DMC1: variants seen among roughly 807,000 people sequenced by gnomAD.
DMC1 encodes the protein meiotic recombination protein DMC1 homolog.
A neutral mutation model predicts 50.1 loss-of-function variants in DMC1; 27 were observed. That is an observed-to-expected ratio of 0.54 (90% CI 0.40 to 0.74). The LOEUF (loss-of-function observed/expected upper bound fraction) is 0.74. DMC1 is among the 30% of genes least tolerant of loss of function. The pLI is 0.00. For missense variants in DMC1, 295 were observed against 420.2 expected (o/e 0.70, Z 2.60); for synonymous variants, 148 against 136.1 (o/e 1.09, Z -0.61).
At chr22:38,567,787 G>C (rs1199178526) in intron 2 of DMC1, among the ~76,000 whole-genome samples, 160 bp from the exon 3 acceptor site, 1 of 152,204 alleles carries the variant, frequency 6.6e-6, no homozygotes, top group East Asian at 1.9e-4. Flanking sequence ...TTCAAACACA[G>C]AAGAAGCACC....
intron 12 of DMC1, among the ~76,000 whole-genome samples, chr22:38,526,072 G>A (rs1655514949): frequency 6.6e-6 from 1 of 152,116 alleles, no homozygotes; most frequent in South Asian, 2.1e-4. Flanking sequence ...CTGTGACATA[G>A]CAGCCTTAAC....
At position 38,545,699 on chromosome 22, in the gene DMC1, G is replaced by A. The variant is rs921513148; in HGVS notation, c.494+4226C>T. ...GCCTCCCAAAGTGCTAGGATTACAG[G>A]TGTGAGCCACAGCGGCCAGCCAAAA... On this transcript the variant is annotated intron_variant, in intron 8 of 13. Coordinates refer to ENST00000216024, the MANE Select transcript of DMC1 (RefSeq NM_007068.4). 13 of 152,176 alleles carry A rather than the reference G, an allele frequency of 8.5e-5. 1 individual carries two copies. The highest frequency in any genetic ancestry group is 3.1e-4 in the African/African-American group (13 of 41,458). The allele number at this position is 152,176 out of a possible 1,614,324, so 9.4% of individuals were successfully genotyped here. A position where few individuals can be genotyped will look rare whatever the true frequency, so the allele number is the denominator to read the frequency against.
intron 12 of DMC1, among the ~76,000 whole-genome samples, chr22:38,523,751 G>A (rs1188234057): frequency 6.6e-6 from 1 of 151,550 alleles, no homozygotes; most frequent in African/African-American, 2.4e-5. Context: ...CTGGGTGACA[G>A]AGTGGGACTC....
At chr22:38,533,778 T>C (rs997074847) in intron 12 of DMC1, among the ~76,000 whole-genome samples, 5 of 152,178 alleles carry the variant, frequency 3.3e-5, no homozygotes. Flanking sequence ...AAATTACTAA[T>C]TAAATATAAA....
At chr22:38,559,842 A>T (rs2090507334) in intron 5 of DMC1, among the ~76,000 whole-genome samples, 1 of 151,822 alleles carries the variant, frequency 6.6e-6, no homozygotes, top group Admixed American at 6.6e-5. Context: ...AGATGCTGAA[A>T]CCCTGTCTCT....
In DMC1 at chr22:38,562,654, A is replaced by G. The variant is rs11570390; in HGVS notation, c.244-285T>C. On this transcript the variant is annotated intron_variant, in intron 4 of 13. Coordinates refer to ENST00000216024, the MANE Select transcript of DMC1 (RefSeq NM_007068.4). ...TCCTCTTTTGGGTCAAACATGCAACAGTGTTTCTTCAAGGAGTAGCTGTGA... is the reference window on the plus strand; with the variant it reads ...TCCTCTTTTGGGTCAAACATGCAACGGTGTTTCTTCAAGGAGTAGCTGTGA... Among the ~76,000 whole-genome samples the G allele has an allele frequency of 5.4e-3, 819 of 152,236 alleles. 6 individuals carry two copies. The highest frequency in any genetic ancestry group is 9.4e-3 in the Non-Finnish European group (639 of 68,010).
At chr22:38,568,404 G>A (rs2047603386) in intron 1 of DMC1, 115 bp from the exon 2 acceptor site, 1 of 750,066 alleles carries the variant, frequency 1.3e-6, no homozygotes, top group Non-Finnish European at 2.3e-6. Context: ...AGCTTGGAAA[G>A]ATGAGGCCAG....
downstream of DMC1, among the ~76,000 whole-genome samples, chr22:38,517,318 T>G (rs2089982731): frequency 6.6e-6 from 1 of 152,062 alleles, no homozygotes; most frequent in African/African-American, 2.4e-5. Flanking sequence ...CCTGTAATCC[T>G]AGCATTTTGG....
intron 1 of DMC1, chr22:38,568,553 C>G (rs2090605629): frequency 2.1e-6 from 1 of 486,110 alleles, no homozygotes; most frequent in Non-Finnish European, 3.7e-6. Flanking sequence ...CTTCTCTTTC[C>G]CCAACAGTGA....
intron 12 of DMC1, among the ~76,000 whole-genome samples, chr22:38,533,517 A>G (rs945217695): frequency 1.3e-5 from 2 of 152,142 alleles, no homozygotes; most frequent in African/African-American, 2.4e-5. Flanking sequence ...CATTCATTTC[A>G]ATGTAATTTA....
intron 8 of DMC1, chr22:38,549,711 ATTTGT>A: frequency 1.9e-6 from 1 of 515,990 alleles, no homozygotes; most frequent in Non-Finnish European, 3.5e-6. Context: ...CCTCTCATGT[ATTTGT>A]TTTGTCTCAT....
At position 38,537,598 on chromosome 22, in the gene DMC1, G is replaced by C. The variant is rs764063443; in HGVS notation, c.830C>G (p.Thr277Ser). The C allele has an allele frequency of 4.3e-6, 7 of 1,613,608 alleles. No individual in the cohort carries two copies. Among genetic ancestry groups the C allele is most frequent in the Admixed American group, 3.3e-5 (2 of 59,994 alleles). Residue 277 changes from threonine to serine, a missense_variant, in exon 12 of 14, where the codon ACT becomes AGT. Transcript: ENST00000216024. ...TNQMTADPGA[T>S]MTFQADPKKP... ...GTAGAATATTGGGGCTTACGTCATA[G>C]TTGCTCCTGGATCGGCAGTCATTTG...
chr22:38,536,073 T>C (rs1239956836), intron 12 of DMC1, among the ~76,000 whole-genome samples: 1 of 151,502 alleles, frequency 6.6e-6, no homozygotes, highest in African/African-American at 2.4e-5. Context: ...ATAAAAAAAT[T>C]AGCCAGGCGT....
At chr22:38,564,632 T>C (rs965070561) in intron 4 of DMC1, among the ~76,000 whole-genome samples, 2 of 152,094 alleles carry the variant, frequency 1.3e-5, no homozygotes, top group African/African-American at 4.8e-5. Context: ...TCTTAAAAAA[T>C]ACAAATAAAA....
intron 5 of DMC1, among the ~76,000 whole-genome samples, chr22:38,559,190 C>T (rs950498955): frequency 7.3e-5 from 11 of 151,696 alleles, no homozygotes; most frequent in Non-Finnish European, 1.3e-4. Context: ...CCACCATGCC[C>T]GGCTAATTTT....
chr22:38,557,602 C>CTGCA (rs2090480778), intron 5 of DMC1, among the ~76,000 whole-genome samples: 1 of 152,042 alleles, frequency 6.6e-6, no homozygotes, highest in Non-Finnish European at 1.5e-5. Flanking sequence ...TCTACTCAGG[C>CTGCA]TGCAGTGAGC....
downstream of DMC1, among the ~76,000 whole-genome samples, chr22:38,516,215 A>G (rs1435304657): frequency 1.3e-5 from 2 of 152,058 alleles, no homozygotes; most frequent in African/African-American, 4.8e-5. Flanking sequence ...ACATTCTAAC[A>G]CTCAGCCACT....
At chr22:38,553,512 A>G (rs1171439796) in intron 6 of DMC1, among the ~76,000 whole-genome samples, 1 of 150,022 alleles carries the variant, frequency 6.7e-6, no homozygotes, top group Non-Finnish European at 1.5e-5. Flanking sequence ...AAAAAAAAAA[A>G]AAAAGAAAGT....
intron 4 of DMC1, among the ~76,000 whole-genome samples, chr22:38,565,210 T>C (rs1039558510): frequency 6.6e-6 from 1 of 152,016 alleles, no homozygotes; most frequent in Non-Finnish European, 1.5e-5. Flanking sequence ...GCCTGGCAGT[T>C]GCAAAGGCCC....
Sources: gnomAD v4.1 joint callset for allele counts (sites outside exome capture counted in the v4.1 genomes callset) on GRCh38, gnomAD v4.1.1 for gene constraint, MANE v1.5 for transcripts, NCBI Gene and HGNC (gene_info 2026-07-23, HGNC 2026-07-21) for gene names.